PKIB: variants seen among roughly 807,000 people sequenced by gnomAD.
PKIB encodes the protein PKI-beta.
In PKIB, 2 loss-of-function variants were observed where a neutral mutation model predicts 4.5. That is an observed-to-expected ratio of 0.44 (90% CI 0.18 to 1.39). The LOEUF (loss-of-function observed/expected upper bound fraction) is 1.39, where lower values mean the gene tolerates loss of function less well. Ranked by LOEUF, PKIB falls within the 40% of genes most tolerant of loss-of-function variation. The pLI is 0.27. For missense variants in PKIB, 94 were observed against 92.6 expected (o/e 1.02, Z -0.06); for synonymous variants, 38 against 36.0 (o/e 1.06, Z -0.20).
intron 3 of PKIB, among the ~76,000 whole-genome samples, chr6:122,693,310 G>A (rs1190488422): frequency 3.3e-5 from 5 of 152,048 alleles, no homozygotes; most frequent in East Asian, 1.9e-4. Flanking sequence ...ACTCCCCACC[G>A]CCCCCTGCTA....
chr6:122,697,580 G>T (rs988806236), intron 3 of PKIB, among the ~76,000 whole-genome samples: 7 of 152,022 alleles, frequency 4.6e-5, no homozygotes, highest in Admixed American at 1.3e-4. Flanking sequence ...GAGAGTGGAT[G>T]CTCCCAGGGG....
At chr6:122,575,585 C>A (rs947063832) in intron 2 of PKIB, among the ~76,000 whole-genome samples, 1 of 152,086 alleles carries the variant, frequency 6.6e-6, no homozygotes, top group Non-Finnish European at 1.5e-5. Context: ...ACTACTCAGC[C>A]ATAAAAAAGG....
intron 1 of PKIB, among the ~76,000 whole-genome samples, chr6:122,477,494 T>C (rs1417000234): frequency 6.6e-6 from 1 of 152,228 alleles, no homozygotes; most frequent in Non-Finnish European, 1.5e-5. Context: ...CTATACTATA[T>C]GATACTATAT....
At chr6:122,675,822 A>G (rs1022293602) in intron 3 of PKIB, among the ~76,000 whole-genome samples, 4 of 152,120 alleles carry the variant, frequency 2.6e-5, no homozygotes, top group Admixed American at 1.3e-4. Flanking sequence ...TTTTCCCTGA[A>G]AAAAAATCAT....
chr6:122,628,098 G>A (rs1259975554), intron 1 of PKIB, among the ~76,000 whole-genome samples: 2 of 150,368 alleles, frequency 1.3e-5, no homozygotes, highest in East Asian at 2.0e-4. Context: ...GTGCAATGGC[G>A]CAATCTTGGC....
intron 1 of PKIB, among the ~76,000 whole-genome samples, chr6:122,476,663 AAAT>A (rs1365065483): frequency 7.9e-5 from 12 of 152,304 alleles, no homozygotes; most frequent in Admixed American, 7.8e-4. Flanking sequence ...TTCACTGTGT[AAAT>A]AATAAAGTGG....
chr6:122,569,575 C>T (rs940210573), intron 2 of PKIB, among the ~76,000 whole-genome samples: 2 of 152,202 alleles, frequency 1.3e-5, no homozygotes, highest in Non-Finnish European at 2.9e-5. Context: ...ACAGAGTCTA[C>T]GTCACTCCTC....
At chr6:122,722,356 G>A (rs1779778078) in intron 4 of PKIB, among the ~76,000 whole-genome samples, 1 of 151,998 alleles carries the variant, frequency 6.6e-6, no homozygotes, top group Non-Finnish European at 1.5e-5. Flanking sequence ...TAATAATCCT[G>A]AGCAAGATAC....
intron 3 of PKIB, among the ~76,000 whole-genome samples, chr6:122,688,062 CCATT>C (rs1426713880): frequency 1.3e-5 from 2 of 151,994 alleles, no homozygotes; most frequent in African/African-American, 4.8e-5. Flanking sequence ...CAGTTTTTCC[CCATT>C]CAGTGTAATG....
chr6:122,544,440 T>TCATTTGAAAATATGCA (rs1315295526), intron 2 of PKIB, among the ~76,000 whole-genome samples: 1 of 151,894 alleles, frequency 6.6e-6, no homozygotes, highest in Admixed American at 6.6e-5. Flanking sequence ...AACCCCACAA[T>TCATTTGAAAATATGCA]CATTTGAAAA....
chr6:122,658,227 T>A (rs1388841209), intron 2 of PKIB, among the ~76,000 whole-genome samples: 1 of 152,196 alleles, frequency 6.6e-6, no homozygotes, highest in African/African-American at 2.4e-5. Flanking sequence ...AGAACTAGTT[T>A]GGGCCAAGTC....
Position 122,537,336 on chromosome 6 carries a change from AC to A in PKIB, c.-247-48581del, listed in dbSNP as rs534653076. On this transcript the variant is annotated intron_variant, in intron 2 of 6. Coordinates refer to the PKIB transcript ENST00000392491. The stretch of plus-strand genomic sequence containing the variant: ...TCCCCCTCCCTGCACCCCACAACAG[AC>A]CCCAGTGTGTGATGTTCCCCTTCCT... Among the ~76,000 whole-genome samples, 33 of 151,782 alleles carry A rather than the reference AC, an allele frequency of 2.2e-4. No individual in the cohort carries two copies. In the East Asian group the frequency reaches 6.2e-3, roughly 29 times the overall value.
chr6:122,589,355 G>A lies in PKIB; in HGVS notation c.-161+3348G>A, dbSNP rs6930516. ...TGTATTACAGTGTGTACAACACATAGCCATGTAAAAAGCAATATTATATAA... is the reference window on the plus strand; with the variant it reads ...TGTATTACAGTGTGTACAACACATAACCATGTAAAAAGCAATATTATATAA... On this transcript the variant is annotated intron_variant, in intron 3 of 6. Coordinates refer to the PKIB transcript ENST00000392491. Among the ~76,000 whole-genome samples the A allele has an allele frequency of 1.7e-3, 253 of 152,158 alleles. 2 individuals are homozygous for A. Among genetic ancestry groups the A allele is most frequent in the African/African-American group, 5.9e-3 (247 of 41,530 alleles).
intron 2 of PKIB, chr6:122,644,481 T>C (rs1776236454): frequency 6.6e-6 from 1 of 152,234 alleles, no homozygotes; most frequent in South Asian, 2.1e-4. Flanking sequence ...ATTAGCTGTG[T>C]GACAGCTAGT....
intron 2 of PKIB, among the ~76,000 whole-genome samples, chr6:122,534,807 A>G (rs1308297483): frequency 2.0e-5 from 3 of 152,144 alleles, no homozygotes; most frequent in Admixed American, 6.5e-5. Flanking sequence ...TTTGAATGAG[A>G]AAAGATTCAG....
intron 2 of PKIB, among the ~76,000 whole-genome samples, chr6:122,649,604 T>C (rs1389327358): frequency 6.6e-6 from 1 of 152,168 alleles, no homozygotes; most frequent in Non-Finnish European, 1.5e-5. Context: ...ATCTTATATA[T>C]ACCACTTCCA....
At chr6:122,648,897 A>C (rs1776433741) in intron 2 of PKIB, among the ~76,000 whole-genome samples, 1 of 152,114 alleles carries the variant, frequency 6.6e-6, no homozygotes, top group Non-Finnish European at 1.5e-5. Flanking sequence ...CCCATCTCCA[A>C]CTTCCTTGTT....
At chr6:122,584,970 CATGT>C (rs2114714858) in intron 2 of PKIB, among the ~76,000 whole-genome samples, 1 of 152,016 alleles carries the variant, frequency 6.6e-6, no homozygotes, top group Admixed American at 6.6e-5. Context: ...TGCCCCTTTC[CATGT>C]CAATAACCTA....
chr6:122,502,806 G>A (rs933611828), intron 2 of PKIB, among the ~76,000 whole-genome samples: 1 of 151,794 alleles, frequency 6.6e-6, no homozygotes, highest in African/African-American at 2.4e-5. Flanking sequence ...TGTAGATCCT[G>A]TTTTTTTTCT....
Sources: allele counts gnomAD v4.1 joint callset (sites outside exome capture counted in the v4.1 genomes callset), GRCh38; gene constraint gnomAD v4.1.1; transcripts MANE v1.5; gene names NCBI Gene and HGNC (gene_info 2026-07-23, HGNC 2026-07-21).